The following SGPL1 variants were observed in gnomAD, a reference collection of about 807,000 sequenced individuals.
The protein encoded by SGPL1 is sphingosine-1-phosphate lyase 1.
In SGPL1, 37 loss-of-function variants were observed where a neutral mutation model predicts 68.9. The observed-to-expected ratio is 0.54, with a 90% CI of 0.41 to 0.71. The LOEUF is 0.71. Among genes scored for constraint, SGPL1 ranks in the 30% least tolerant of loss-of-function variants. The pLI, the probability that SGPL1 is intolerant of heterozygous loss-of-function variation, is 0.00. For synonymous variants in SGPL1, 236 were observed against 248.5 expected, an observed-to-expected ratio of 0.95 and a Z score of 0.47; for missense variants, 551 against 704.6, an observed-to-expected ratio of 0.78 and a Z score of 2.47.
At chr10:70,844,345 T>G (rs1845758843) in intron 2 of SGPL1, 128 bp from the exon 3 acceptor site, 1 of 769,040 alleles carries the variant, frequency 1.3e-6, no homozygotes, top group Non-Finnish European at 2.0e-6. Flanking sequence ...ATAATAAGAT[T>G]ATTGCTGAAG....
intron 7 of SGPL1, chr10:70,860,294 G>C (rs1483945733): frequency 4.5e-6 from 2 of 445,636 alleles, no homozygotes; most frequent in Non-Finnish European, 9.1e-6. Flanking sequence ...AATCCTATCA[G>C]ATACTCATCA....
At chr10:70,825,450 G>A (rs1845415985) in intron 2 of SGPL1, among the ~76,000 whole-genome samples, 1 of 152,164 alleles carries the variant, frequency 6.6e-6, no homozygotes, top group Admixed American at 6.5e-5. Context: ...GAGAGGTCTA[G>A]TTTGTCTTAA....
At chr10:70,838,763 G>A (rs1377863509) in intron 2 of SGPL1, among the ~76,000 whole-genome samples, 1 of 152,212 alleles carries the variant, frequency 6.6e-6, no homozygotes, top group Non-Finnish European at 1.5e-5. Flanking sequence ...GGAAGAAATA[G>A]AAATGTGAGT....
intron 3 of SGPL1, among the ~76,000 whole-genome samples, chr10:70,847,229 C>T (rs1845805576): frequency 6.6e-6 from 1 of 152,036 alleles, no homozygotes; most frequent in South Asian, 2.1e-4. Flanking sequence ...CTCACTGCAA[C>T]CTCTGCCTCC....
chr10:70,832,033 A>C (rs767769396), intron 2 of SGPL1, among the ~76,000 whole-genome samples: 43 of 152,192 alleles, frequency 2.8e-4, no homozygotes, highest in Non-Finnish European at 4.9e-4. Context: ...AACAAGGGCT[A>C]TGGGGGTTAT....
At chr10:70,863,298 T>G (rs827252) in intron 7 of SGPL1, among the ~76,000 whole-genome samples, 22,215 of 150,036 alleles carry the variant, frequency 0.15, 1,842 homozygotes, top group Non-Finnish European at 0.18. Flanking sequence ...TCTTTTTTTT[T>G]TTTTTTTTTT....
chr10:70,834,989 G>T (rs11595680), intron 2 of SGPL1, among the ~76,000 whole-genome samples: 12,267 of 151,614 alleles, frequency 0.081, 691 homozygotes, highest in African/African-American at 0.14. Context: ...AGAGTGCCAC[G>T]GTGTGCAGAG....
intron 2 of SGPL1, among the ~76,000 whole-genome samples, chr10:70,825,910 G>A (rs539951704): frequency 6.1e-4 from 93 of 152,282 alleles, no homozygotes; most frequent in African/African-American, 2.0e-3. Context: ...GGCCTGGCGC[G>A]GTGGCTCACG....
chr10:70,844,423 T>TC, intron 2 of SGPL1, 50 bp from the exon 3 acceptor site: 1 of 1,545,520 alleles, frequency 6.5e-7, no homozygotes, highest in Non-Finnish European at 8.8e-7. Context: ...AGAACAGACT[T>TC]CTTTTCTCTC....
chr10:70,834,075 A>G (rs1202107798), intron 2 of SGPL1, among the ~76,000 whole-genome samples: 1 of 152,112 alleles, frequency 6.6e-6, no homozygotes, highest in Non-Finnish European at 1.5e-5. Flanking sequence ...CCGGGTAGCC[A>G]TTAAGTTTGG....
At chr10:70,871,167 G>C in intron 10 of SGPL1, 21 bp downstream of exon 10, 1 of 1,468,336 alleles carries the variant, frequency 6.8e-7, no homozygotes, top group Non-Finnish European at 9.4e-7. Flanking sequence ...GAAATGGGCT[G>C]CTAAGGCAGG....
intron 2 of SGPL1, among the ~76,000 whole-genome samples, chr10:70,831,315 G>A (rs1229459685): frequency 2.0e-5 from 3 of 151,996 alleles, no homozygotes; most frequent in Admixed American, 2.0e-4. Flanking sequence ...ACTGGGTGTC[G>A]CCTAATTCAA....
intron 7 of SGPL1, among the ~76,000 whole-genome samples, chr10:70,864,025 T>A (rs904577783): frequency 6.6e-6 from 1 of 152,164 alleles, no homozygotes; most frequent in African/African-American, 2.4e-5. Flanking sequence ...TTGCTTTGTT[T>A]GGGGGTTTAG....
chr10:70,824,955 CGTT>C (rs916929383), intron 2 of SGPL1, among the ~76,000 whole-genome samples: 6 of 132,352 alleles, frequency 4.5e-5, no homozygotes, highest in South Asian at 2.5e-4. Context: ...GTTATTCTGA[CGTT>C]GTTTTTTCTC....
chr10:70,839,839 T>A (rs1202111653), intron 2 of SGPL1, among the ~76,000 whole-genome samples: 2 of 151,816 alleles, frequency 1.3e-5, no homozygotes, highest in Non-Finnish European at 2.9e-5. Flanking sequence ...TGGGCCACAT[T>A]GGAAGAAGAA....
At chr10:70,827,434 A>C (rs570253758) in intron 2 of SGPL1, among the ~76,000 whole-genome samples, 10 of 152,306 alleles carry the variant, frequency 6.6e-5, no homozygotes, top group African/African-American at 2.4e-4. Flanking sequence ...TTCAGATTTA[A>C]AATTGTTACA....
Position 70,877,488 on chromosome 10 carries a change from C to A in SGPL1, c.*153C>A. Reference sequence around the variant, plus strand: ...CAGCTTGAGCCTCAGGATTCTTGTTCTTCCTCTTATCTTCCTTTTGTGGTT... The same window carrying A: ...CAGCTTGAGCCTCAGGATTCTTGTTATTCCTCTTATCTTCCTTTTGTGGTT... On this transcript the variant is annotated 3_prime_UTR_variant, in exon 15 of 15. Transcript: ENST00000373202. The A allele has an allele frequency of 1.7e-6, 1 of 598,240 alleles. No homozygotes were observed. 37.1% of individuals were successfully genotyped at this position (598,240 alleles called of 1,614,324 possible).
chr10:70,854,920 T>A, intron 5 of SGPL1, 65 bp downstream of exon 5: 1 of 1,397,280 alleles, frequency 7.2e-7, no homozygotes. Context: ...CATTGTTTAA[T>A]GTTCACATAG....
Position 70,857,621 on chromosome 10 carries a change from C to G in SGPL1, c.417C>G (p.Phe139Leu). Residue 139 changes from phenylalanine to leucine, a missense_variant, in exon 6 of 15, where the codon TTC becomes TTG. Coordinates refer to ENST00000373202, the MANE Select transcript of SGPL1 (RefSeq NM_003901.4). ...KLKEYSSMDA[F>L]WQEGRASGTV... ...CCTTACCTTTCTCTGCAGACGCCTT[C>G]TGGCAAGAGGGGAGAGCCTCTGGAA... The G allele has an allele frequency of 6.2e-7, 1 of 1,613,186 alleles. No homozygotes were observed. Among genetic ancestry groups the G allele is most frequent in the Non-Finnish European group, 8.5e-7 (1 of 1,179,298 alleles).
Sources: allele counts gnomAD v4.1 joint callset (sites outside exome capture counted in the v4.1 genomes callset), GRCh38; gene constraint gnomAD v4.1.1; transcripts MANE v1.5; gene names NCBI Gene and HGNC (gene_info 2026-07-23, HGNC 2026-07-21).